The following CCL15 variants were observed in gnomAD, a reference collection of about 807,000 sequenced individuals.
CCL15 encodes the protein C-C motif chemokine ligand 15.
CCL15 carries 8 observed loss-of-function variants against 10.6 expected under a neutral mutation model. That is an observed-to-expected ratio of 0.75 (90% CI 0.44 to 1.36). The LOEUF is 1.36. CCL15 is among the 40% of genes most tolerant of loss of function. The pLI is 0.00. For missense variants in CCL15, 128 were observed against 136.6 expected (o/e 0.94, Z 0.32); for synonymous variants, 51 against 48.8 (o/e 1.04, Z -0.19).
chr17:35,997,587 T>C lies in CCL15; in HGVS notation c.*180A>G, dbSNP rs2089929465. The stretch of plus-strand genomic sequence containing the variant: ...TGTTGGGGCTCAGCAGTTGCTTCAG[T>C]TTTATATTAGTTTATTTCCTCTTAA... On this transcript the variant is annotated 3_prime_UTR_variant, in exon 4 of 4. Transcript: ENST00000617897. 1.9e-6 allele frequency: 1 copy of C among 538,952 alleles called. No homozygotes were observed. Among genetic ancestry groups the C allele is most frequent in the African/African-American group, 1.9e-5 (1 of 52,462 alleles). The allele number at this position is 538,952 out of a possible 1,614,324, so 33.4% of individuals were successfully genotyped here. A position where few individuals can be genotyped will look rare whatever the true frequency, so the allele number is the denominator to read the frequency against.
In CCL15 at chr17:35,998,390, G is replaced by C. The variant is rs1450278704; in HGVS notation, c.138C>G (p.Ser46Arg). Residue 46 changes from serine to arginine, a missense_variant and splice_region_variant, in exon 3 of 4, where the codon AGC becomes AGG. Physicochemically the swap from Ser to Arg is moderately radical, Grantham distance 110. Transcript: ENST00000617897. ...TGCAGCAGTCAGCAGCAAAGTGAAA[G>C]CCTGCAGCAAGAGAAAGCGTCATCT... ...LPLENPVVLN[S>R]FHFAADCCTS... 5.0e-6 allele frequency: 8 copies of C among 1,609,326 alleles called. No homozygotes were observed. The East Asian group carries it at 1.8e-4, about 36-fold the overall frequency.
In CCL15 at chr17:36,001,413, T is replaced by A. The variant is rs752653954; in HGVS notation, c.76+4A>T. The A allele has an allele frequency of 5.6e-6, 9 of 1,614,032 alleles. No individual in the cohort carries two copies. In the East Asian group the frequency reaches 2.0e-4, roughly 36 times the overall value. ...TCACCTGGGAGAAAGCTCACTGGAC[T>A]CACCATTTGTGAACTGGGCCTGGGA... On this transcript the variant is annotated splice_donor_region_variant and intron_variant, in intron 1 of 3. Transcript: ENST00000617897.
intron 1 of CCL15, among the ~76,000 whole-genome samples, 168 bp from the exon 2 acceptor site, chr17:35,999,093 G>A (rs1198468957): frequency 3.3e-5 from 5 of 152,176 alleles, no homozygotes; most frequent in Non-Finnish European, 7.3e-5. Flanking sequence ...TATTCCATTA[G>A]GGCCCTGAGA....
chr17:35,998,364 GTGCAGCAGTCAGCAGCAAAGTGAAAGCC>G lies in CCL15; in HGVS notation c.137-1_163del, dbSNP rs748459425. 6 of 1,613,932 alleles carry G rather than the reference GTGCAGCAGTCAGCAGCAAAGTGAAAGCC, an allele frequency of 3.7e-6. No homozygotes were observed. The Admixed American group carries it at 1.0e-4, about 27-fold the overall frequency. ...CGGGATGCTTTGTGAGATGTAGGAG[GTGCAGCAGTCAGCAGCAAAGTGAAAGCC>G]TGCAGCAAGAGAAAGCGTCATCTGA... On this transcript the variant is annotated splice_acceptor_variant and coding_sequence_variant, in exon 3 of 4. Transcript: ENST00000617897. LOFTEE classifies it high-confidence loss of function.
intron 1 of CCL15, among the ~76,000 whole-genome samples, chr17:36,000,003 T>C (rs1432579477): frequency 6.7e-6 from 1 of 149,280 alleles, no homozygotes; most frequent in African/African-American, 2.5e-5. Context: ...TACAAAAAAT[T>C]AGCCGGGCGT....
chr17:35,997,641 C>T lies in CCL15; in HGVS notation c.*126G>A, dbSNP rs2089930115. ...TCAAGCAAAGTTAAAAAATTGAATACTCTTTATTAGATGCATTACTTTCAT... is the reference window on the plus strand; with the variant it reads ...TCAAGCAAAGTTAAAAAATTGAATATTCTTTATTAGATGCATTACTTTCAT... On this transcript the variant is annotated 3_prime_UTR_variant, in exon 4 of 4. Coordinates refer to ENST00000617897, the MANE Select transcript of CCL15 (RefSeq NM_032965.6). The T allele has an allele frequency of 4.8e-6, 3 of 619,986 alleles. No individual in the cohort carries two copies. In the Admixed American group the frequency reaches 8.6e-5, roughly 18 times the overall value. The allele number at this position is 619,986 out of a possible 1,614,324, so 38.4% of individuals were successfully genotyped here.
In CCL15 at chr17:35,997,768, T is replaced by C; in HGVS notation, c.341A>G (p.Ter114=). The C allele has an allele frequency of 6.2e-7, 1 of 1,609,128 alleles. No individual in the cohort carries two copies. ...CTGGCCTCTTTTGTCTCTTTATTATTATATTGAGTAGGGCTTCAGCTTTTT... is the reference window on the plus strand; with the variant it reads ...CTGGCCTCTTTTGTCTCTTTATTATCATATTGAGTAGGGCTTCAGCTTTTT... The part of the protein sequence containing the change: ...CMKKLKPYSI[*] The change falls in exon 4 of 4, where the codon TAA becomes TGA. Residue 114 remains the stop codon, a stop_retained_variant. Transcript: ENST00000617897.
intron 2 of CCL15, 151 bp downstream of exon 2, chr17:35,998,715 C>T: frequency 1.4e-6 from 1 of 701,220 alleles, no homozygotes; most frequent in Non-Finnish European, 2.5e-6. Flanking sequence ...GAGGGGGTCC[C>T]CCTACCCTGT....
intron 2 of CCL15, 101 bp from the exon 3 acceptor site, chr17:35,998,492 C>T (rs1399570013): frequency 2.6e-5 from 22 of 857,136 alleles, no homozygotes; most frequent in South Asian, 1.6e-4. Context: ...TTCTCCTCCT[C>T]GGCTAGCACT....
Position 36,001,548 on chromosome 17 carries a change from C to A in CCL15, c.-56G>T. On this transcript the variant is annotated 5_prime_UTR_variant, in exon 1 of 4. Transcript: ENST00000617897. Reference sequence around the variant, plus strand: ...GACTCCTGGGCTCACTGCTTCCTGGCTCCCCGGGATACCAGCTCTGCCCTT... The same window carrying A: ...GACTCCTGGGCTCACTGCTTCCTGGATCCCCGGGATACCAGCTCTGCCCTT... The A allele has an allele frequency of 6.2e-7, 1 of 1,606,902 alleles. No individual in the cohort carries two copies. Among genetic ancestry groups the A allele is most frequent in the African/African-American group, 1.3e-5 (1 of 74,832 alleles).
At chr17:36,001,293 G>T in intron 1 of CCL15, 124 bp downstream of exon 1, 1 of 1,278,146 alleles carries the variant, frequency 7.8e-7, no homozygotes, top group South Asian at 1.4e-5. Context: ...TCTATACCCT[G>T]CTGGTGCTTT....
intron 1 of CCL15, among the ~76,000 whole-genome samples, chr17:35,999,498 C>T (rs2089963376): frequency 6.8e-6 from 1 of 146,426 alleles, no homozygotes; most frequent in Non-Finnish European, 1.5e-5. Flanking sequence ...GGGTCTTTTT[C>T]TGTCACCCAG....
intron 1 of CCL15, among the ~76,000 whole-genome samples, chr17:35,999,179 C>A (rs712048): frequency 0.34 from 51,961 of 152,034 alleles, 14,981 homozygotes; most frequent in African/African-American, 0.79. Context: ...AACTGAACCT[C>A]ACACGGTTCA....
In CCL15 at chr17:35,998,939, T is replaced by C; in HGVS notation, c.77-14A>G. 2 of 1,610,630 alleles carry C rather than the reference T, an allele frequency of 1.2e-6. No homozygotes were observed. The highest frequency in any genetic ancestry group is 1.7e-6 in the Non-Finnish European group (2 of 1,176,726). The stretch of plus-strand genomic sequence containing the variant: ...CTGTCTCTGCATCTGAAAGAAACAG[T>C]ACAGGGAAGGAAATCACTGGGTGGC... On this transcript the variant is annotated splice_polypyrimidine_tract_variant and intron_variant, in intron 1 of 3. Coordinates refer to ENST00000617897, the MANE Select transcript of CCL15 (RefSeq NM_032965.6).
chr17:36,001,292 T>C, intron 1 of CCL15, 125 bp downstream of exon 1: 1 of 1,275,864 alleles, frequency 7.8e-7, no homozygotes, highest in East Asian at 2.5e-5. Context: ...GTCTATACCC[T>C]GCTGGTGCTT....
chr17:36,000,227 C>T (rs1157596242), intron 1 of CCL15, among the ~76,000 whole-genome samples: 3 of 151,070 alleles, frequency 2.0e-5, no homozygotes, highest in South Asian at 2.1e-4. Flanking sequence ...TTTGGGAGGC[C>T]GAGGTGGGCG....
chr17:35,999,556 T>A (rs960304139), intron 1 of CCL15, among the ~76,000 whole-genome samples: 1 of 151,832 alleles, frequency 6.6e-6, no homozygotes, highest in Non-Finnish European at 1.5e-5. Flanking sequence ...CTTGAGGTCC[T>A]GGGCTCAAGT....
At position 35,998,945 on chromosome 17, in the gene CCL15, G is replaced by A; in HGVS notation, c.77-20C>T. ...CTGCATCTGAAAGAAACAGTACAGG[G>A]AAGGAAATCACTGGGTGGCAGCAGT... On this transcript the variant is annotated intron_variant, in intron 1 of 3. Coordinates refer to ENST00000617897, the MANE Select transcript of CCL15 (RefSeq NM_032965.6). 1 of 1,606,604 alleles carries A rather than the reference G, an allele frequency of 6.2e-7. No individual in the cohort carries two copies.
rs1313244866 is a variant in CCL15, at chr17:35,998,346, C to T, written c.182G>A (p.Ser61Asn). ...ACTTTTCATGAGTGAACACGGGATG[C>T]TTTGTGAGATGTAGGAGGTGCAGCA... ...ADCCTSYISQ[S>N]IPCSLMKSYF... Residue 61 changes from serine (S) to asparagine (N), a missense_variant, in exon 3 of 4, where the codon AGC (serine) becomes AAC (asparagine). Physicochemically the swap from Ser to Asn is conservative, Grantham distance 46. Transcript: ENST00000617897. The T allele has an allele frequency of 6.2e-7, 1 of 1,614,178 alleles. No homozygotes were observed. The highest frequency in any genetic ancestry group is 1.7e-5 in the Admixed American group (1 of 60,030).
Sources: gnomAD v4.1 joint callset for allele counts (sites outside exome capture counted in the v4.1 genomes callset) on GRCh38, gnomAD v4.1.1 for gene constraint, MANE v1.5 for transcripts, NCBI Gene and HGNC (gene_info 2026-07-23, HGNC 2026-07-21) for gene names.